MEF2A: variants seen among roughly 807,000 people sequenced by gnomAD.
MEF2A encodes myocyte-specific enhancer factor 2A.
A neutral mutation model predicts 55.8 loss-of-function variants in MEF2A; 28 were observed. That is an observed-to-expected ratio of 0.50 (90% CI 0.37 to 0.69). MEF2A has a LOEUF of 0.69. MEF2A is among the 30% of genes least tolerant of loss of function. The pLI, the probability that MEF2A is intolerant of heterozygous loss-of-function variation, is 0.00. For missense variants in MEF2A, 528 were observed against 626.2 expected (o/e 0.84, Z 1.67); for synonymous variants, 239 against 227.1 (o/e 1.05, Z -0.47).
At chr15:99,634,287 G>A (rs1007366998) in intron 3 of MEF2A, among the ~76,000 whole-genome samples, 1 of 152,104 alleles carries the variant, frequency 6.6e-6, no homozygotes, top group African/African-American at 2.4e-5. Context: ...AGGAGGCCCT[G>A]GTTTCAACTC....
chr15:99,575,894 A>C (rs1964110214), intron 1 of MEF2A, among the ~76,000 whole-genome samples: 3 of 152,172 alleles, frequency 2.0e-5, no homozygotes, highest in African/African-American at 7.2e-5. Flanking sequence ...GCCAGTATTC[A>C]TTTTGATGTT....
At chr15:99,676,584 T>G (rs1287455185) in intron 7 of MEF2A, among the ~76,000 whole-genome samples, 1 of 152,072 alleles carries the variant, frequency 6.6e-6, no homozygotes, top group Non-Finnish European at 1.5e-5. Context: ...TTGTTTTTTT[T>G]TTTTTGAGAC....
In MEF2A at chr15:99,624,057, C is replaced by T. The variant is rs143362669; in HGVS notation, c.-142-8921C>T. ...CTGACCTCAGGTAATCCACCCACCTCGACCTCCCAAAGCGTTGGGATTACA... is the reference window on the plus strand; with the variant it reads ...CTGACCTCAGGTAATCCACCCACCTTGACCTCCCAAAGCGTTGGGATTACA... On this transcript the variant is annotated intron_variant, in intron 2 of 11. Coordinates refer to ENST00000557942, the MANE Select transcript of MEF2A (RefSeq NM_001319206.4). 2.6e-3 allele frequency among the ~76,000 whole-genome samples: 398 copies of T among 152,260 alleles called. 4 individuals carry two copies. Among genetic ancestry groups the T allele is most frequent in the African/African-American group, 9.1e-3 (377 of 41,550 alleles).
intron 2 of MEF2A, among the ~76,000 whole-genome samples, chr15:99,625,947 T>C (rs549047452): frequency 2.0e-5 from 3 of 152,270 alleles, no homozygotes; most frequent in South Asian, 2.1e-4. Context: ...ATCTTTGATT[T>C]TGGTATTAGG....
chr15:99,671,217 C>A, intron 4 of MEF2A, 106 bp from the exon 5 acceptor site: 1 of 1,242,072 alleles, frequency 8.1e-7, no homozygotes, highest in South Asian at 1.6e-5. Context: ...TTCAGTGGCT[C>A]TTGTATAATT....
chr15:99,609,596 TC>T, intron 2 of MEF2A, among the ~76,000 whole-genome samples: 1 of 152,216 alleles, frequency 6.6e-6, no homozygotes, highest in East Asian at 1.9e-4. Flanking sequence ...AATACCTTAG[TC>T]ATTTTCCATA....
At chr15:99,585,647 G>A (rs1026257742) in intron 1 of MEF2A, among the ~76,000 whole-genome samples, 1 of 152,130 alleles carries the variant, frequency 6.6e-6, no homozygotes, top group Non-Finnish European at 1.5e-5. Context: ...TAAATACTTG[G>A]TACTTAAGGA....
At chr15:99,645,512 C>T in intron 3 of MEF2A, 49 bp from the exon 4 acceptor site, 1 of 1,354,592 alleles carries the variant, frequency 7.4e-7, no homozygotes, top group Non-Finnish European at 1.0e-6. Context: ...AGCCCATATT[C>T]AAGTACTACT....
rs2051507511 is a variant in MEF2A, at chr15:99,674,478, G to A, written c.476G>A (p.Ser159Asn). 1.2e-6 allele frequency: 2 copies of A among 1,613,828 alleles called. No individual in the cohort carries two copies. The highest frequency in any genetic ancestry group is 1.7e-6 in the Non-Finnish European group (2 of 1,179,884). ...PNALSYTNPG[S>N]SLVSPSLAAS... ...GCTTTGTCCTACACTAACCCAGGGA[G>A]TTCACTGGTGTCCCCATCTTTGGCA... The change falls in exon 6 of 12, where the codon AGT becomes AAT. Residue 159 changes from serine to asparagine, a missense_variant. This residue lies in a region of MEF2A where 450 missense variants were observed against 475.3 expected (regional missense o/e 0.95). Coordinates refer to ENST00000557942, the MANE Select transcript of MEF2A (RefSeq NM_001319206.4).
At chr15:99,682,954 T>G (rs1454583827) in intron 7 of MEF2A, among the ~76,000 whole-genome samples, 1 of 152,196 alleles carries the variant, frequency 6.6e-6, no homozygotes, top group Non-Finnish European at 1.5e-5. Flanking sequence ...ATTTAAAAAA[T>G]TATTAATCTG....
intron 2 of MEF2A, among the ~76,000 whole-genome samples, chr15:99,604,773 A>G (rs1950746016): frequency 6.6e-6 from 1 of 151,230 alleles, no homozygotes; most frequent in Non-Finnish European, 1.5e-5. Flanking sequence ...ATAAGTTAGT[A>G]TCAGCTGAAT....
intron 3 of MEF2A, among the ~76,000 whole-genome samples, chr15:99,637,195 T>C (rs2044034582): frequency 6.6e-6 from 1 of 152,100 alleles, no homozygotes. Flanking sequence ...AGTGTCATTG[T>C]TCACTTAAGA....
intron 4 of MEF2A, among the ~76,000 whole-genome samples, chr15:99,661,259 T>C (rs1298573476): frequency 1.3e-5 from 2 of 152,132 alleles, no homozygotes; most frequent in African/African-American, 4.8e-5. Flanking sequence ...GGCAAAATTA[T>C]AAAGCTATTT....
chr15:99,698,190 G>A (rs1345602378), intron 8 of MEF2A, among the ~76,000 whole-genome samples: 1 of 152,214 alleles, frequency 6.6e-6, no homozygotes, highest in African/African-American at 2.4e-5. Flanking sequence ...ATTGGAGGTT[G>A]AACTTAAGTT....
intron 2 of MEF2A, among the ~76,000 whole-genome samples, chr15:99,617,426 T>C (rs1006884329): frequency 6.6e-6 from 1 of 152,140 alleles, no homozygotes; most frequent in African/African-American, 2.4e-5. Flanking sequence ...AAATATAAGA[T>C]GAAATGACAG....
chr15:99,575,444 G>A lies in MEF2A; in HGVS notation c.-225+9340G>A, dbSNP rs142557648. On this transcript the variant is annotated intron_variant, in intron 1 of 11. Transcript: ENST00000557942. Reference sequence around the variant, plus strand: ...GGTGCTTCTTTGTAATTAGATTCAGGTTTTGCATTTTTGGCAAAAATCCCA... The same window carrying A: ...GGTGCTTCTTTGTAATTAGATTCAGATTTTGCATTTTTGGCAAAAATCCCA... Among the ~76,000 whole-genome samples the A allele has an allele frequency of 5.1e-3, 770 of 152,148 alleles. 13 individuals carry two copies. Among genetic ancestry groups the A allele is most frequent in the African/African-American group, 0.017 (707 of 41,490 alleles).
chr15:99,612,623 A>T (rs2039477802), intron 2 of MEF2A, among the ~76,000 whole-genome samples: 2 of 152,162 alleles, frequency 1.3e-5, no homozygotes, highest in African/African-American at 2.4e-5. Context: ...AGCTGAGATG[A>T]GAGGGTTCCT....
chr15:99,697,551 G>T lies in MEF2A; in HGVS notation c.859-5811G>T, dbSNP rs2056682906. Among the ~76,000 whole-genome samples the T allele has an allele frequency of 2.0e-5, 3 of 152,070 alleles. No homozygotes were observed. The South Asian group carries it at 6.2e-4, about 32-fold the overall frequency. ...AAATATGTACAGTCTGTATGTTGAA[G>T]ACTGCAAAACACTGATGAAAGAAAT... On this transcript the variant is annotated intron_variant, in intron 8 of 11. Coordinates refer to ENST00000557942, the MANE Select transcript of MEF2A (RefSeq NM_001319206.4).
At chr15:99,573,637 A>G (rs539966176) in intron 1 of MEF2A, among the ~76,000 whole-genome samples, 2 of 152,314 alleles carry the variant, frequency 1.3e-5, no homozygotes, top group East Asian at 3.9e-4. Flanking sequence ...CTAATTTCAT[A>G]TGTTTATAGA....
Sources: allele counts gnomAD v4.1 joint callset (sites outside exome capture counted in the v4.1 genomes callset), GRCh38; gene constraint gnomAD v4.1.1; regional missense constraint gnomAD v4.1.1; transcripts MANE v1.5; gene names NCBI Gene and HGNC (gene_info 2026-07-23, HGNC 2026-07-21).